The following CEP152 variants were observed in gnomAD, a reference collection of about 807,000 sequenced individuals.
CEP152 encodes centrosomal protein 152, also known as centrosomal protein of 152 kDa.
CEP152 carries 132 observed loss-of-function variants against 188.9 expected under a neutral mutation model. The observed-to-expected ratio is 0.70, with a 90% CI of 0.61 to 0.81. The LOEUF is 0.81. Ranked by LOEUF, CEP152 falls within the 30% of genes least tolerant of loss-of-function variation. The pLI is 0.00. For missense variants in CEP152, 1,914 were observed against 1,969.8 expected (o/e 0.97, Z 0.54); for synonymous variants, 649 against 666.6 (o/e 0.97, Z 0.41).
chr15:48,744,003 A>G (rs1213634263), intron 24 of CEP152, among the ~76,000 whole-genome samples: 1 of 152,214 alleles, frequency 6.6e-6, no homozygotes, highest in Admixed American at 6.5e-5. Flanking sequence ...GAAACAAGAA[A>G]ATCAACAATA....
rs1892977201 is a variant in CEP152, at chr15:48,741,609, G to A, written c.4085C>T (p.Thr1362Ile). 1.2e-6 allele frequency: 2 copies of A among 1,614,012 alleles called. No homozygotes were observed. Among genetic ancestry groups the A allele is most frequent in the Non-Finnish European group, 1.7e-6 (2 of 1,180,016 alleles). The change falls in exon 26 of 27, where the codon ACA becomes ATA. Residue 1362 changes from threonine (T) to isoleucine (I), a missense_variant. By Grantham distance (89) the Thr-to-Ile change is moderately conservative (BLOSUM62 -1). Coordinates refer to ENST00000380950, the MANE Select transcript of CEP152 (RefSeq NM_001194998.2). Reference protein sequence around the residue: ...PISSKSQSKTTQSALPLTSEM... With the variant: ...PISSKSQSKTIQSALPLTSEM... ...GACTCACTTTGACATACCTGACTGT[G>A]TAGTTTTGCTTTGGGACTTACTAGA...
downstream of CEP152, among the ~76,000 whole-genome samples, chr15:48,736,875 C>T (rs965413973): frequency 6.6e-6 from 1 of 152,162 alleles, no homozygotes; most frequent in African/African-American, 2.4e-5. Context: ...GGGCTTAAAA[C>T]GATCAAGCAC....
intron 9 of CEP152, among the ~76,000 whole-genome samples, chr15:48,784,724 C>T (rs1245032054): frequency 6.6e-6 from 1 of 152,132 alleles, no homozygotes; most frequent in East Asian, 1.9e-4. Flanking sequence ...GGTGCTTCTG[C>T]AGTGCCTTAG....
chr15:48,789,129 G>C (rs541116298), intron 8 of CEP152, 128 bp from the exon 9 acceptor site: 9 of 841,020 alleles, frequency 1.1e-5, no homozygotes, highest in Admixed American at 8.3e-5. Flanking sequence ...GTAGAGAAGG[G>C]GTCTCCGCTC....
chr15:48,759,974 G>A (rs1894557918), intron 19 of CEP152, among the ~76,000 whole-genome samples, 161 bp downstream of exon 19: 1 of 152,220 alleles, frequency 6.6e-6, no homozygotes, highest in South Asian at 2.1e-4. Context: ...ACAACTTGAT[G>A]ATGACAAGAA....
In CEP152 at chr15:48,805,701, T is replaced by C. The variant is rs1595709029; in HGVS notation, c.-7-45A>G. 6.2e-6 allele frequency: 10 copies of C among 1,611,868 alleles called. No homozygotes were observed. The East Asian group carries it at 2.2e-4, about 36-fold the overall frequency. On this transcript the variant is annotated intron_variant, in intron 1 of 26. Transcript: ENST00000380950. ...TTTGGTTTCTGGACACCACATAAAA[T>C]CTCCCCAGGACAAACTACATAAGAG...
intron 2 of CEP152, among the ~76,000 whole-genome samples, chr15:48,732,050 TGAG>T (rs2140525171): frequency 6.6e-6 from 1 of 152,310 alleles, no homozygotes; most frequent in South Asian, 2.1e-4. Flanking sequence ...CTGGCGAGGT[TGAG>T]GAGAAATAGG....
chr15:48,767,612 T>A, intron 15 of CEP152, 149 bp from the exon 16 acceptor site: 4 of 1,011,516 alleles, frequency 4.0e-6, no homozygotes, highest in Non-Finnish European at 6.0e-6. Flanking sequence ...GTGGTAATAA[T>A]TAATTAATAA....
chr15:48,741,419 TCTGC>T, intron 26 of CEP152, 178 bp downstream of exon 26: 2 of 1,449,796 alleles, frequency 1.4e-6, no homozygotes, highest in South Asian at 2.9e-5. Context: ...GCATGCTCAG[TCTGC>T]CTACTTAAAT....
Position 48,762,635 on chromosome 15 carries a change from C to G in CEP152, c.2318G>C (p.Trp773Ser). The change falls in exon 18 of 27, where the codon TGG (tryptophan) becomes TCG (serine). Residue 773 changes from tryptophan to serine, a missense_variant. Trp to Ser is a radical substitution (Grantham distance 177). Transcript: ENST00000380950. The stretch of plus-strand genomic sequence containing the variant: ...TATAGTTTGATCCAGCTTAGACTGC[C>G]ACTCCTTTTCAAGCTGTTGAATGAG... ...EKLIQQLEKE[W>S]QSKLDQTIKA... The G allele has an allele frequency of 6.2e-7, 1 of 1,613,898 alleles. No individual in the cohort carries two copies. The highest frequency in any genetic ancestry group is 8.5e-7 in the Non-Finnish European group (1 of 1,179,996).
At chr15:48,792,223 C>G (rs569376634) in intron 7 of CEP152, among the ~76,000 whole-genome samples, 3 of 152,200 alleles carry the variant, frequency 2.0e-5, no homozygotes, top group African/African-American at 7.2e-5. Context: ...ATCTCCTGAC[C>G]GCGTGACCCG....
chr15:48,756,496 T>C lies in CEP152; in HGVS notation c.2752A>G (p.Arg918Gly). 1 of 1,611,778 alleles carries C rather than the reference T, an allele frequency of 6.2e-7. No homozygotes were observed. The highest frequency in any genetic ancestry group is 8.5e-7 in the Non-Finnish European group (1 of 1,179,868). The change falls in exon 20 of 27, where the codon AGG (arginine) becomes GGG (glycine). Residue 918 changes from arginine (R) to glycine (G), a missense_variant. Physicochemically the swap from Arg to Gly is moderately radical, Grantham distance 125. Transcript: ENST00000380950. Reference sequence around the variant, plus strand: ...TCCTTTCCAGGAAGTATATTTTTCCTCATATTTTCAAGCTCACTCTTCCAT... The same window carrying C: ...TCCTTTCCAGGAAGTATATTTTTCCCCATATTTTCAAGCTCACTCTTCCAT... Reference protein sequence around the residue: ...EKWKSELENMRKNILPGKELE... With the variant: ...EKWKSELENMGKNILPGKELE...
chr15:48,801,342 A>C (rs1897655855), intron 2 of CEP152, among the ~76,000 whole-genome samples: 1 of 152,204 alleles, frequency 6.6e-6, no homozygotes, highest in Admixed American at 6.5e-5. Context: ...ATGCAATGGA[A>C]ACCTTGCCTC....
At chr15:48,766,544 G>T (rs572083179) in intron 17 of CEP152, among the ~76,000 whole-genome samples, 2 of 152,206 alleles carry the variant, frequency 1.3e-5, no homozygotes, top group Non-Finnish European at 2.9e-5. Flanking sequence ...ATACGAAGAT[G>T]CTGACCTTGC....
intron 26 of CEP152, 93 bp downstream of exon 26, chr15:48,741,508 C>T: frequency 1.9e-6 from 3 of 1,607,184 alleles, no homozygotes; most frequent in Admixed American, 3.4e-5. Flanking sequence ...TTAACTCTCA[C>T]TCCTTACCTT....
rs1171397779 is a variant in CEP152, at chr15:48,787,702, A to T, written c.1173+1099T>A. Among the ~76,000 whole-genome samples the T allele has an allele frequency of 3.9e-5, 6 of 152,098 alleles. No homozygotes were observed. The East Asian group carries it at 1.2e-3, about 30-fold the overall frequency. ...GTCAGAAATAACCCAAATCAGCATG[A>T]ATTTTAAGTGTGGTGAAATTTTCCA... On this transcript the variant is annotated intron_variant, in intron 9 of 26. Coordinates refer to ENST00000380950, the MANE Select transcript of CEP152 (RefSeq NM_001194998.2).
At chr15:48,794,007 GAATT>G (rs554214962) in intron 6 of CEP152, among the ~76,000 whole-genome samples, 94 of 152,216 alleles carry the variant, frequency 6.2e-4, no homozygotes, top group African/African-American at 2.2e-3. Context: ...GCACATAACT[GAATT>G]AATTAGCTAG....
intron 2 of CEP152, among the ~76,000 whole-genome samples, chr15:48,731,497 A>G (rs1892421138): frequency 6.6e-6 from 1 of 152,200 alleles, no homozygotes; most frequent in Non-Finnish European, 1.5e-5. Flanking sequence ...AGAAAACTGA[A>G]ACTGGACCCC....
intron 17 of CEP152, chr15:48,765,526 C>T (rs532363031): frequency 2.6e-6 from 1 of 389,154 alleles, no homozygotes; most frequent in South Asian, 1.9e-5. Flanking sequence ...CTAATTGTAA[C>T]TGACCCATTA....
Sources: allele counts gnomAD v4.1 joint callset (sites outside exome capture counted in the v4.1 genomes callset), GRCh38; gene constraint gnomAD v4.1.1; transcripts MANE v1.5; gene names NCBI Gene and HGNC (gene_info 2026-07-23, HGNC 2026-07-21).